KCNQ3: variants seen among roughly 807,000 people sequenced by gnomAD.
The protein encoded by KCNQ3 is potassium voltage-gated channel subfamily KQT member 3.
KCNQ3 carries 30 observed loss-of-function variants against 92.5 expected under a neutral mutation model. The ratio of observed to expected loss-of-function variants is 0.32; its 90% CI spans 0.24 to 0.44. The LOEUF (loss-of-function observed/expected upper bound fraction) is 0.44. Ranked by LOEUF, KCNQ3 falls within the 20% of genes least tolerant of loss-of-function variation. The pLI is 1.00. For missense variants in KCNQ3, 913 were observed against 1,140.3 expected, an observed-to-expected ratio of 0.80 and a Z score of 2.87; for synonymous variants, 450 against 468.8, an observed-to-expected ratio of 0.96 and a Z score of 0.52.
Position 132,291,018 on chromosome 8 carries a change from G to A in KCNQ3, c.387-104837C>T, listed in dbSNP as rs1816820657. On this transcript the variant is annotated intron_variant, in intron 1 of 14. Coordinates refer to ENST00000388996, the MANE Select transcript of KCNQ3 (RefSeq NM_004519.4). ...GAGATTTCAAGAAGTGCTGAATACT[G>A]TTGAGGTATCAAGTACAATTGCGAC... Among the ~76,000 whole-genome samples, 4 of 152,318 alleles carry A rather than the reference G, an allele frequency of 2.6e-5. No individual in the cohort carries two copies. The South Asian group carries it at 6.2e-4, about 24-fold the overall frequency.
chr8:132,465,372 T>A (rs908142294), intron 1 of KCNQ3, among the ~76,000 whole-genome samples: 5 of 152,006 alleles, frequency 3.3e-5, no homozygotes, highest in Non-Finnish European at 5.9e-5. Flanking sequence ...CTCTTGGGAG[T>A]TCTAGATCAG....
chr8:132,479,182 C>A (rs953453602), intron 1 of KCNQ3, among the ~76,000 whole-genome samples: 1 of 152,086 alleles, frequency 6.6e-6, no homozygotes, highest in African/African-American at 2.4e-5. Context: ...ATCCTCTCCC[C>A]CCTCCCAAAT....
chr8:132,369,406 G>C (rs1211412020), intron 1 of KCNQ3, among the ~76,000 whole-genome samples: 1 of 152,098 alleles, frequency 6.6e-6, no homozygotes, highest in Non-Finnish European at 1.5e-5. Context: ...CTGGAGATTT[G>C]TCTAGAAGCA....
At chr8:132,423,580 C>G (rs774968211) in intron 1 of KCNQ3, among the ~76,000 whole-genome samples, 1 of 152,244 alleles carries the variant, frequency 6.6e-6, no homozygotes, top group South Asian at 2.1e-4. Flanking sequence ...AGGTCACTAA[C>G]AGCTTCTATC....
At chr8:132,236,792 A>C (rs150161081) in intron 1 of KCNQ3, among the ~76,000 whole-genome samples, 54 of 152,354 alleles carry the variant, frequency 3.5e-4, no homozygotes, top group African/African-American at 1.2e-3. Context: ...TCAGAGACAG[A>C]GGAGTAAGAA....
chr8:132,339,633 A>G (rs1818462569), intron 1 of KCNQ3, among the ~76,000 whole-genome samples: 1 of 151,244 alleles, frequency 6.6e-6, no homozygotes, highest in Non-Finnish European at 1.5e-5. Flanking sequence ...TGCTTGAACC[A>G]AGGAGGCAGA....
rs140380388 is a variant in KCNQ3 at position 132,228,753 on chromosome 8, A to G, written c.387-42572T>C. Among the ~76,000 whole-genome samples the G allele has an allele frequency of 4.5e-3, 661 of 145,328 alleles. 10 individuals are homozygous for G. The highest frequency in any genetic ancestry group is 0.016 in the African/African-American group (643 of 39,356). On this transcript the variant is annotated intron_variant, in intron 1 of 14. Coordinates refer to ENST00000388996, the MANE Select transcript of KCNQ3 (RefSeq NM_004519.4). Reference sequence around the variant, plus strand: ...TCCTCCAGAAGTAGCCCCTCAGCTGACTCTTGAAAAAAAAAAAAAAAGAGG... The same window carrying G: ...TCCTCCAGAAGTAGCCCCTCAGCTGGCTCTTGAAAAAAAAAAAAAAAGAGG...
chr8:132,289,855 G>C (rs967429737), intron 1 of KCNQ3, among the ~76,000 whole-genome samples: 1 of 152,090 alleles, frequency 6.6e-6, no homozygotes, highest in Non-Finnish European at 1.5e-5. Context: ...GTGACCTTCT[G>C]AGTCTCTTAT....
chr8:132,253,304 A>G (rs1052650982), intron 1 of KCNQ3, among the ~76,000 whole-genome samples: 2 of 152,214 alleles, frequency 1.3e-5, no homozygotes, highest in African/African-American at 4.8e-5. Context: ...TCAACTGTAG[A>G]CAGGTCACAC....
intron 8 of KCNQ3, among the ~76,000 whole-genome samples, chr8:132,167,467 AGTT>A (rs1826175602): frequency 1.3e-5 from 2 of 152,198 alleles, no homozygotes; most frequent in Admixed American, 1.3e-4. Flanking sequence ...ATCTCAAGAA[AGTT>A]GTTATTAAAA....
chr8:132,146,987 T>C (rs186955551), intron 9 of KCNQ3, among the ~76,000 whole-genome samples: 6 of 152,310 alleles, frequency 3.9e-5, no homozygotes, highest in Admixed American at 3.3e-4. Flanking sequence ...ATGGTTAAGA[T>C]AGCAACATTT....
intron 1 of KCNQ3, among the ~76,000 whole-genome samples, chr8:132,476,698 T>C (rs1822420737): frequency 6.6e-6 from 1 of 152,198 alleles, no homozygotes; most frequent in South Asian, 2.1e-4. Context: ...TACAGGTTCA[T>C]TGGCAGGAGC....
chr8:132,429,861 C>CAAAAAAAA (rs374921143), intron 1 of KCNQ3, among the ~76,000 whole-genome samples: 1 of 64,098 alleles, frequency 1.6e-5, no homozygotes, highest in Admixed American at 1.7e-4. Context: ...AACTCCTTCT[C>CAAAAAAAA]AAAAAAAAAA....
In KCNQ3 at chr8:132,402,127, C is replaced by T. The variant is rs113691696; in HGVS notation, c.386+78020G>A. Among the ~76,000 whole-genome samples the T allele has an allele frequency of 4.9e-3, 744 of 152,312 alleles. 5 individuals carry two copies. The highest frequency in any genetic ancestry group is 0.017 in the African/African-American group (695 of 41,560). Reference sequence around the variant, plus strand: ...TGTTAATTCTGGAGATATCATGCTACCTAGAGCTGTCTCTTGCCCAGAGAG... The same window carrying T: ...TGTTAATTCTGGAGATATCATGCTATCTAGAGCTGTCTCTTGCCCAGAGAG... On this transcript the variant is annotated intron_variant, in intron 1 of 14. Transcript: ENST00000388996.
chr8:132,404,860 A>G (rs1333491576), intron 1 of KCNQ3, among the ~76,000 whole-genome samples: 3 of 152,234 alleles, frequency 2.0e-5, no homozygotes, highest in Admixed American at 2.0e-4. Flanking sequence ...AATCTTCGCA[A>G]TAACCCCATT....
At chr8:132,332,769 G>T (rs1439550778) in intron 1 of KCNQ3, among the ~76,000 whole-genome samples, 1 of 152,164 alleles carries the variant, frequency 6.6e-6, no homozygotes, top group Non-Finnish European at 1.5e-5. Context: ...TTTCTTGTCT[G>T]GCCCAACTTA....
chr8:132,405,807 T>G lies in KCNQ3; in HGVS notation c.386+74340A>C, dbSNP rs910372907. Among the ~76,000 whole-genome samples, 49 of 152,284 alleles carry G rather than the reference T, an allele frequency of 3.2e-4. 1 individual carries two copies. Among genetic ancestry groups the G allele is most frequent in the African/African-American group, 1.2e-3 (48 of 41,556 alleles). On this transcript the variant is annotated intron_variant, in intron 1 of 14. Coordinates refer to ENST00000388996, the MANE Select transcript of KCNQ3 (RefSeq NM_004519.4). ...GAGTGCTTTCACCAGGCAGCAGGAA[T>G]GTGACATTGCAACAAAGATGGAGGA...
At chr8:132,305,694 T>C (rs540476203) in intron 1 of KCNQ3, among the ~76,000 whole-genome samples, 16 of 152,144 alleles carry the variant, frequency 1.1e-4, no homozygotes, top group African/African-American at 3.6e-4. Flanking sequence ...TAGCTTCTGC[T>C]TGGGGGCCCC....
At chr8:132,251,814 G>C (rs1360256915) in intron 1 of KCNQ3, among the ~76,000 whole-genome samples, 1 of 152,238 alleles carries the variant, frequency 6.6e-6, no homozygotes, top group Non-Finnish European at 1.5e-5. Flanking sequence ...CTGTGGGCTA[G>C]TGACAAGCAA....
Sources: gnomAD v4.1 joint callset for allele counts (sites outside exome capture counted in the v4.1 genomes callset) on GRCh38, gnomAD v4.1.1 for gene constraint, MANE v1.5 for transcripts, NCBI Gene and HGNC (gene_info 2026-07-23, HGNC 2026-07-21) for gene names.